The following OTOA variants were observed in gnomAD, a reference collection of about 807,000 sequenced individuals.
OTOA encodes the protein otoancorin, also known as cancer/testis antigen 108.
OTOA carries 70 observed loss-of-function variants against 110.8 expected under a neutral mutation model. That is an observed-to-expected ratio of 0.63 (90% CI 0.52 to 0.77). The LOEUF is 0.77. Among genes scored for constraint, OTOA ranks in the 30% least tolerant of loss-of-function variants. The pLI is 0.00. For missense variants in OTOA, 917 were observed against 1,075.8 expected (o/e 0.85, Z 2.06); for synonymous variants, 373 against 431.5 (o/e 0.86, Z 1.68).
chr16:21,677,729 A>G (rs1411697218), intron 1 of OTOA, among the ~76,000 whole-genome samples: 2 of 151,680 alleles, frequency 1.3e-5, no homozygotes, highest in East Asian at 3.9e-4. Flanking sequence ...TGATCCGCCC[A>G]CCTCAGCCTC....
intron 9 of OTOA, among the ~76,000 whole-genome samples, chr16:21,695,408 A>T (rs1897912951): frequency 6.6e-6 from 1 of 151,960 alleles, no homozygotes. Flanking sequence ...GGGATGATTG[A>T]TCTACAGAAA....
chr16:21,753,929 G>A (rs1488376096), intron 27 of OTOA, among the ~76,000 whole-genome samples: 1 of 127,598 alleles, frequency 7.8e-6, no homozygotes, highest in Admixed American at 8.3e-5. Context: ...GCGTGGTGGT[G>A]GATGCCTGTA....
chr16:21,676,252 C>T (rs750289071), intron 1 of OTOA, among the ~76,000 whole-genome samples: 36 of 152,038 alleles, frequency 2.4e-4, no homozygotes, highest in Non-Finnish European at 4.1e-4. Context: ...CTGGACACTT[C>T]GGATTTTACA....
At chr16:21,717,873 C>G (rs1318135381) in intron 15 of OTOA, among the ~76,000 whole-genome samples, 1 of 152,198 alleles carries the variant, frequency 6.6e-6, no homozygotes, top group East Asian at 1.9e-4. Context: ...CAGGGTCTCT[C>G]ATGAGGCTGG....
chr16:21,723,853 GA>G (rs1898835558), intron 18 of OTOA, among the ~76,000 whole-genome samples: 1 of 152,162 alleles, frequency 6.6e-6, no homozygotes. Flanking sequence ...AGGGAAAATA[GA>G]AAAATGTTCT....
intron 5 of OTOA, among the ~76,000 whole-genome samples, 192 bp downstream of exon 5, chr16:21,679,403 A>G (rs960595733): frequency 6.6e-6 from 1 of 151,582 alleles, no homozygotes; most frequent in Non-Finnish European, 1.5e-5. Flanking sequence ...ATAAGGGCCA[A>G]TTTTTTTTCT....
intron 6 of OTOA, chr16:21,684,446 C>T (rs1966960766): frequency 1.9e-6 from 3 of 1,543,030 alleles, no homozygotes; most frequent in South Asian, 1.2e-5. Context: ...GTATTTTGCT[C>T]CTGCGCTGGT....
chr16:21,680,880 G>T (rs995626779), intron 5 of OTOA, among the ~76,000 whole-genome samples: 1 of 151,682 alleles, frequency 6.6e-6, no homozygotes, highest in Non-Finnish European at 1.5e-5. Flanking sequence ...ATGAGAAAAG[G>T]CTATTCATGG....
At chr16:21,679,010 C>A in intron 3 of OTOA, 26 bp from the exon 4 acceptor site, 3 of 1,613,860 alleles carry the variant, frequency 1.9e-6, no homozygotes, top group Admixed American at 1.7e-5. Context: ...GGTTGTTATA[C>A]TTGATGTTAT....
At chr16:21,713,363 A>G (rs1182548089) in intron 13 of OTOA, among the ~76,000 whole-genome samples, 1 of 152,168 alleles carries the variant, frequency 6.6e-6, no homozygotes, top group African/African-American at 2.4e-5. Context: ...TCCAAGTGGG[A>G]ACTGGAGCAG....
At chr16:21,719,743 A>G (rs907632445) in intron 17 of OTOA, among the ~76,000 whole-genome samples, 6 of 152,184 alleles carry the variant, frequency 3.9e-5, no homozygotes, top group Non-Finnish European at 8.8e-5. Flanking sequence ...TAAGCCTTAA[A>G]ATATATTCAT....
chr16:21,664,844 C>T (rs1022053559), intron 1 of OTOA, among the ~76,000 whole-genome samples: 2 of 151,862 alleles, frequency 1.3e-5, no homozygotes, highest in African/African-American at 2.4e-5. Flanking sequence ...TGGTGGCGGG[C>T]GCCTGTAATC....
At chr16:21,674,378 T>G (rs1191061268) in intron 1 of OTOA, among the ~76,000 whole-genome samples, 2 of 152,050 alleles carry the variant, frequency 1.3e-5, no homozygotes, top group Non-Finnish European at 2.9e-5. Flanking sequence ...TGGTGCAATC[T>G]TGGCTCACTG....
At chr16:21,698,972 A>G (rs1179968005) in intron 10 of OTOA, among the ~76,000 whole-genome samples, 16 of 152,166 alleles carry the variant, frequency 1.1e-4, no homozygotes. Flanking sequence ...TATTTATGAA[A>G]TGGAGTCTCG....
At chr16:21,756,339 C>T (rs1177515835) in intron 27 of OTOA, among the ~76,000 whole-genome samples, 7 of 152,036 alleles carry the variant, frequency 4.6e-5, no homozygotes, top group African/African-American at 1.7e-4. Flanking sequence ...CCATGGAGCC[C>T]TCACAGAGCT....
chr16:21,676,528 T>C (rs1426574113), intron 1 of OTOA, among the ~76,000 whole-genome samples: 2 of 152,150 alleles, frequency 1.3e-5, no homozygotes, highest in Non-Finnish European at 2.9e-5. Flanking sequence ...GTTTGGAGGT[T>C]TTTCCATTGC....
chr16:21,729,905 G>C (rs1276091322), intron 20 of OTOA: 2 of 152,198 alleles, frequency 1.3e-5, no homozygotes, highest in Non-Finnish European at 2.9e-5. Flanking sequence ...ACCTACAGAA[G>C]GACATTTGGT....
intron 17 of OTOA, among the ~76,000 whole-genome samples, chr16:21,719,853 A>T (rs1681767832): frequency 6.6e-6 from 1 of 152,210 alleles, no homozygotes; most frequent in African/African-American, 2.4e-5. Context: ...CTGTGAATGC[A>T]AACAGTACTC....
At position 21,726,507 on chromosome 16, in the gene OTOA, C is replaced by T. The variant is rs1898921198; in HGVS notation, c.1881-16C>T. 6.2e-7 allele frequency: 1 copy of T among 1,613,080 alleles called. No individual in the cohort carries two copies. The highest frequency in any genetic ancestry group is 8.5e-7 in the Non-Finnish European group (1 of 1,179,998). On this transcript the variant is annotated splice_polypyrimidine_tract_variant and intron_variant, in intron 18 of 28. Coordinates refer to ENST00000646100, the MANE Select transcript of OTOA (RefSeq NM_144672.4). Reference sequence around the variant, plus strand: ...AGCCATGTGTTCCTCCTCTTGTTCTCCCCATCTCTCTCCAGGGCCCGCTAC... The same window carrying T: ...AGCCATGTGTTCCTCCTCTTGTTCTTCCCATCTCTCTCCAGGGCCCGCTAC...
Sources: gnomAD v4.1 joint callset for allele counts (sites outside exome capture counted in the v4.1 genomes callset) on GRCh38, gnomAD v4.1.1 for gene constraint, MANE v1.5 for transcripts, NCBI Gene and HGNC (gene_info 2026-07-23, HGNC 2026-07-21) for gene names.